Variants in HNF1B observed in about 807,000 individuals in gnomAD.
HNF1B encodes hepatocyte nuclear factor 1-beta.
Under a neutral mutation model 61.7 loss-of-function variants are expected in HNF1B, and 8 were observed. The observed-to-expected ratio is 0.13, with a 90% CI of 0.08 to 0.23. HNF1B has a LOEUF of 0.23. HNF1B is among the 10% of genes least tolerant of loss of function. HNF1B has a pLI of 1.00. For synonymous variants in HNF1B, 314 were observed against 287.7 expected (o/e 1.09, Z -0.93); for missense variants, 562 against 714.5 (o/e 0.79, Z 2.43).
At chr17:37,705,562 T>G (rs1226963694) in intron 5 of HNF1B, among the ~76,000 whole-genome samples, 1 of 152,228 alleles carries the variant, frequency 6.6e-6, no homozygotes. Context: ...AAGGATCCTA[T>G]ATTGTAATCA....
chr17:37,726,136 CTG>C (rs60311199), intron 4 of HNF1B, among the ~76,000 whole-genome samples: 4,283 of 150,320 alleles, frequency 0.028, 210 homozygotes, highest in African/African-American at 0.099. Context: ...CTGCTGGGGG[CTG>C]TGTGTGTGTG....
intron 5 of HNF1B, among the ~76,000 whole-genome samples, chr17:37,710,190 TC>T (rs1342718991): frequency 1.3e-5 from 2 of 152,186 alleles, no homozygotes; most frequent in Non-Finnish European, 2.9e-5. Flanking sequence ...GAACATTTTA[TC>T]AACACAAATG....
At chr17:37,744,437 TG>T in intron 1 of HNF1B, 103 bp downstream of exon 1, 1 of 1,209,672 alleles carries the variant, frequency 8.3e-7, no homozygotes, top group Non-Finnish European at 1.2e-6. Context: ...ACTTCTCTGG[TG>T]GGAAACGGGC....
At chr17:37,733,865 A>C (rs375597396) in intron 2 of HNF1B, 44 bp from the exon 3 acceptor site, 1 of 1,593,516 alleles carries the variant, frequency 6.3e-7, no homozygotes, top group Non-Finnish European at 8.5e-7. Context: ...TGTAGCCTTC[A>C]CTCAGCAGAC....
Position 37,744,737 on chromosome 17 carries a change from G to A in HNF1B, c.148C>T (p.Pro50Ser), listed in dbSNP as rs746036863. ...GTGTCGGGCTCGGCCCCGCTGCCAG[G>A]GGACAGGGGCAGCGTCTCCAGCTTC... ...GVKLETLPLS[P>S]GSGAEPDTKP... The change falls in exon 1 of 9, where the codon CCT becomes TCT. Residue 50 changes from proline (P) to serine (S), a missense_variant. This residue lies in a region of HNF1B where 148 missense variants were observed against 147.3 expected (regional missense o/e 1.00). Coordinates refer to ENST00000617811, the MANE Select transcript of HNF1B (RefSeq NM_000458.4). The A allele has an allele frequency of 1.2e-6, 2 of 1,613,366 alleles. No individual in the cohort carries two copies. Among genetic ancestry groups the A allele is most frequent in the Non-Finnish European group, 1.7e-6 (2 of 1,180,042 alleles).
In HNF1B at chr17:37,739,607, T is replaced by C; in HGVS notation, c.377A>G (p.Lys126Arg). The C allele has an allele frequency of 3.1e-6, 5 of 1,613,864 alleles. No individual in the cohort carries two copies. The highest frequency in any genetic ancestry group is 4.2e-6 in the Non-Finnish European group (5 of 1,179,928). ...GATGTTGTGTTGCTGCATGTAACCCTTGATCATTTTAGCAGCCCTCCAAGG... is the reference window on the plus strand; with the variant it reads ...GATGTTGTGTTGCTGCATGTAACCCCTGATCATTTTAGCAGCCCTCCAAGG... ...EDPWRAAKMIKGYMQQHNIPQ... is the reference protein window; with the variant it reads ...EDPWRAAKMIRGYMQQHNIPQ... The change falls in exon 2 of 9, where the codon AAG (lysine) becomes AGG (arginine). Residue 126 changes from lysine to arginine, a missense_variant. Physicochemically the swap from Lys to Arg is conservative, Grantham distance 26. This residue lies in a region of HNF1B where 16 missense variants were observed against 66.3 expected (regional missense o/e 0.24). Transcript: ENST00000617811.
chr17:37,738,969 T>C (rs2033911616), intron 2 of HNF1B, among the ~76,000 whole-genome samples: 1 of 152,216 alleles, frequency 6.6e-6, no homozygotes, highest in Admixed American at 6.5e-5. Flanking sequence ...AATATATCTC[T>C]CTATACAAAT....
chr17:37,708,827 G>C (rs2032837409), intron 5 of HNF1B, among the ~76,000 whole-genome samples: 1 of 152,176 alleles, frequency 6.6e-6, no homozygotes, highest in Non-Finnish European at 1.5e-5. Flanking sequence ...ACCACGACCA[G>C]GGCAAGCAGC....
chr17:37,718,866 T>C (rs534657855), intron 4 of HNF1B, among the ~76,000 whole-genome samples: 1 of 152,342 alleles, frequency 6.6e-6, no homozygotes, highest in African/African-American at 2.4e-5. Context: ...CACATCACTT[T>C]CACCTTTAGA....
intron 5 of HNF1B, 105 bp downstream of exon 5, chr17:37,710,398 G>A (rs1017196858): frequency 5.6e-6 from 8 of 1,432,396 alleles, no homozygotes; most frequent in Admixed American, 5.0e-5. Flanking sequence ...TTTCCCCTAT[G>A]GGGCTACAAT....
chr17:37,708,473 G>A (rs115479089), intron 5 of HNF1B, among the ~76,000 whole-genome samples: 2 of 152,272 alleles, frequency 1.3e-5, no homozygotes, highest in Admixed American at 6.5e-5. Context: ...CCCTGGCCTG[G>A]GTGAGGCAGC....
At position 37,692,362 on chromosome 17, in the gene HNF1B, C is replaced by T. The variant is rs1286559206; in HGVS notation, c.1654-4970G>A. On this transcript the variant is annotated intron_variant, in intron 8 of 8. Transcript: ENST00000617811. ...TTAAAAGTGGATATTGGAAGATGAA[C>T]GTTGTTTAATGAGTTTGGAGTGAGA... 2.0e-5 allele frequency among the ~76,000 whole-genome samples: 3 copies of T among 152,186 alleles called. No homozygotes were observed. In the South Asian group the frequency reaches 6.2e-4, roughly 32 times the overall value.
intron 8 of HNF1B, among the ~76,000 whole-genome samples, chr17:37,693,084 G>A (rs1174726407): frequency 6.6e-6 from 1 of 151,798 alleles, no homozygotes; most frequent in South Asian, 2.1e-4. Flanking sequence ...CAGTTACTTG[G>A]GAGGCTGAGG....
intron 4 of HNF1B, among the ~76,000 whole-genome samples, chr17:37,725,307 A>G (rs1416449819): frequency 6.6e-6 from 1 of 152,156 alleles, no homozygotes; most frequent in Non-Finnish European, 1.5e-5. Context: ...CCCTTTGGTG[A>G]TAGGACTCCA....
At chr17:37,727,583 C>A (rs561170315) in intron 4 of HNF1B, among the ~76,000 whole-genome samples, 1 of 152,270 alleles carries the variant, frequency 6.6e-6, no homozygotes, top group South Asian at 2.1e-4. Context: ...GGAGGGGCAA[C>A]GCTGGAAACA....
At chr17:37,728,313 T>C (rs1391232804) in intron 4 of HNF1B, among the ~76,000 whole-genome samples, 3 of 151,464 alleles carry the variant, frequency 2.0e-5, no homozygotes, top group Non-Finnish European at 2.9e-5. Flanking sequence ...ACAGAGCGTT[T>C]TTTTTTTTTT....
chr17:37,719,409 G>A (rs2033232867), intron 4 of HNF1B, among the ~76,000 whole-genome samples: 3 of 152,164 alleles, frequency 2.0e-5, no homozygotes, highest in Non-Finnish European at 4.4e-5. Flanking sequence ...TGGGGATAAG[G>A]AGAAGAGTCA....
chr17:37,731,870 CG>C, intron 3 of HNF1B, 40 bp from the exon 4 acceptor site: 12 of 394,024 alleles, frequency 3.0e-5, no homozygotes, highest in East Asian at 4.8e-5. Flanking sequence ...TGAGGGGGGG[CG>C]GGGGGACTTG....
At chr17:37,719,886 G>T (rs1180244673) in intron 4 of HNF1B, among the ~76,000 whole-genome samples, 2 of 152,192 alleles carry the variant, frequency 1.3e-5, no homozygotes, top group African/African-American at 4.8e-5. Context: ...TTGAGGTCTG[G>T]CAAGTGTCAG....
Sources: gnomAD v4.1 joint callset for allele counts (sites outside exome capture counted in the v4.1 genomes callset) on GRCh38, gnomAD v4.1.1 for gene constraint, gnomAD v4.1.1 regional missense constraint, MANE v1.5 for transcripts, NCBI Gene and HGNC (gene_info 2026-07-23, HGNC 2026-07-21) for gene names.